The following ZCCHC7 variants were observed in gnomAD, a reference collection of about 807,000 sequenced individuals.
The protein encoded by ZCCHC7 is zinc finger CCHC-type containing 7, also known as zinc finger CCHC domain-containing protein 7.
Under a neutral mutation model 52.0 loss-of-function variants are expected in ZCCHC7, and 35 were observed. The ratio of observed to expected loss-of-function variants is 0.67; its 90% CI spans 0.51 to 0.89. ZCCHC7 has a LOEUF of 0.89. ZCCHC7 is among the 40% of genes least tolerant of loss of function. ZCCHC7 has a pLI of 0.00. For missense variants in ZCCHC7, 574 were observed against 649.1 expected (o/e 0.88, Z 1.26); for synonymous variants, 217 against 221.5 (o/e 0.98, Z 0.18).
At position 37,272,980 on chromosome 9, in the gene ZCCHC7, G is replaced by A. The variant is rs527677782; in HGVS notation, c.611-29208G>A. On this transcript the variant is annotated intron_variant, in intron 2 of 8. Transcript: ENST00000336755. ...AAACAAAGCTGCTAAGGATATTCTT[G>A]TGCATATCTCTTGGTGCATGTATAT... is the stretch of plus-strand genomic sequence containing the variant. Among the ~76,000 whole-genome samples, 42 of 152,314 alleles carry A rather than the reference G, an allele frequency of 2.8e-4. No individual in the cohort carries two copies. In the South Asian group the frequency reaches 8.7e-3, roughly 32 times the overall value.
At chr9:37,247,732 G>A (rs1402199650) in intron 2 of ZCCHC7, among the ~76,000 whole-genome samples, 1 of 151,886 alleles carries the variant, frequency 6.6e-6, no homozygotes, top group African/African-American at 2.4e-5. Context: ...AACACAGGGA[G>A]ACCCCATCTC....
At chr9:37,268,333 G>A (rs1167134624) in intron 2 of ZCCHC7, among the ~76,000 whole-genome samples, 2 of 151,424 alleles carry the variant, frequency 1.3e-5, no homozygotes, top group Non-Finnish European at 2.9e-5. Flanking sequence ...GACCTATCAG[G>A]TGTTTATTTG....
In ZCCHC7 at chr9:37,357,684, T is replaced by G. The variant is rs985070519; in HGVS notation, c.*416T>G. 9 of 152,726 alleles carry G rather than the reference T, an allele frequency of 5.9e-5. No homozygotes were observed. Among genetic ancestry groups the G allele is most frequent in the African/African-American group, 2.2e-4 (9 of 41,410 alleles). 9.5% of individuals were successfully genotyped at this position (152,726 alleles called of 1,614,324 possible). On this transcript the variant is annotated 3_prime_UTR_variant, in exon 9 of 9. Transcript: ENST00000336755. ...CAATATTTTTCAACTTTTTTTTTTTTTTTTTTTACTTTGGAAAGGACAATA... is the reference window on the plus strand; with the variant it reads ...CAATATTTTTCAACTTTTTTTTTTTGTTTTTTTACTTTGGAAAGGACAATA...
intron 2 of ZCCHC7, among the ~76,000 whole-genome samples, chr9:37,287,888 A>G (rs937597770): frequency 6.6e-6 from 1 of 151,836 alleles, no homozygotes; most frequent in Non-Finnish European, 1.5e-5. Flanking sequence ...ATCAGGACAT[A>G]TTATATGTAT....
chr9:37,327,762 T>C (rs746865974), intron 5 of ZCCHC7, 37 bp from the exon 6 acceptor site: 9 of 1,612,344 alleles, frequency 5.6e-6, no homozygotes, highest in Non-Finnish European at 7.6e-6. Context: ...AGTACCTTGT[T>C]TCATGCTCCC....
intron 7 of ZCCHC7, among the ~76,000 whole-genome samples, chr9:37,352,339 T>C (rs1336918328): frequency 6.6e-6 from 1 of 152,046 alleles, no homozygotes; most frequent in African/African-American, 2.4e-5. Context: ...CTTCCCTAAT[T>C]TCACTCACTC....
chr9:37,218,942 ATTTTTTTT>A (rs5897682), intron 2 of ZCCHC7, among the ~76,000 whole-genome samples: 11 of 106,402 alleles, frequency 1.0e-4, no homozygotes, highest in African/African-American at 3.7e-4. Context: ...CTAGAGCAAC[ATTTTTTTT>A]TTTTTTTTTT....
At chr9:37,257,447 A>T (rs1826645059) in intron 2 of ZCCHC7, among the ~76,000 whole-genome samples, 1 of 152,238 alleles carries the variant, frequency 6.6e-6, no homozygotes, top group African/African-American at 2.4e-5. Flanking sequence ...ATATCACAGC[A>T]GATTAAATAC....
chr9:37,226,200 C>T (rs1825089355), intron 2 of ZCCHC7, among the ~76,000 whole-genome samples: 1 of 151,888 alleles, frequency 6.6e-6, no homozygotes, highest in African/African-American at 2.4e-5. Flanking sequence ...TTCACAGTAT[C>T]AAAAAATGTG....
intron 2 of ZCCHC7, among the ~76,000 whole-genome samples, chr9:37,178,329 C>T (rs1042762363): frequency 1.3e-5 from 2 of 151,370 alleles, no homozygotes; most frequent in African/African-American, 4.9e-5. Flanking sequence ...TAAAACACAT[C>T]CCAGCGTCAC....
chr9:37,247,362 TAG>T (rs1435603811), intron 2 of ZCCHC7, among the ~76,000 whole-genome samples: 1 of 152,012 alleles, frequency 6.6e-6, no homozygotes, highest in Non-Finnish European at 1.5e-5. Flanking sequence ...GGGACCTGGG[TAG>T]AGAGAGAAAT....
chr9:37,133,702 C>T (rs1842885662), intron 2 of ZCCHC7, among the ~76,000 whole-genome samples: 1 of 152,186 alleles, frequency 6.6e-6, no homozygotes, highest in Non-Finnish European at 1.5e-5. Context: ...GATTCTTCCA[C>T]CTCAGCCTTC....
At chr9:37,152,080 A>G (rs1352598307) in intron 2 of ZCCHC7, among the ~76,000 whole-genome samples, 1 of 152,202 alleles carries the variant, frequency 6.6e-6, no homozygotes, top group Non-Finnish European at 1.5e-5. Context: ...CAGTAATGGT[A>G]GTATGTAGTA....
At chr9:37,242,281 T>C (rs1171965079) in intron 2 of ZCCHC7, among the ~76,000 whole-genome samples, 2 of 152,000 alleles carry the variant, frequency 1.3e-5, no homozygotes, top group East Asian at 3.9e-4. Context: ...TGCTTGGCTT[T>C]CTGCCAAATG....
intron 2 of ZCCHC7, among the ~76,000 whole-genome samples, chr9:37,152,960 T>C (rs1035140448): frequency 6.6e-6 from 1 of 152,196 alleles, no homozygotes; most frequent in Non-Finnish European, 1.5e-5. Flanking sequence ...TGCCCATTCA[T>C]TCATTCTTAT....
intron 2 of ZCCHC7, among the ~76,000 whole-genome samples, chr9:37,294,698 T>G (rs1249141983): frequency 6.6e-6 from 1 of 152,202 alleles, no homozygotes; most frequent in Admixed American, 6.5e-5. Flanking sequence ...CAGTTGTCCA[T>G]ATGAATGTTT....
chr9:37,344,734 G>A (rs924458333), intron 6 of ZCCHC7, among the ~76,000 whole-genome samples: 1 of 150,516 alleles, frequency 6.6e-6, no homozygotes, highest in Non-Finnish European at 1.5e-5. Flanking sequence ...GTATGTTTGT[G>A]TATTATTGGC....
chr9:37,186,621 A>C, intron 2 of ZCCHC7: 2 of 433,520 alleles, frequency 4.6e-6, no homozygotes, highest in Non-Finnish European at 8.8e-6. Context: ...AGAATGCATT[A>C]GTATTGCTGA....
At chr9:37,124,980 T>C (rs1842481019) in intron 1 of ZCCHC7, among the ~76,000 whole-genome samples, 1 of 152,154 alleles carries the variant, frequency 6.6e-6, no homozygotes, top group Non-Finnish European at 1.5e-5. Context: ...ACCTCCTGAG[T>C]AGCTGGGATT....
Sources: allele counts gnomAD v4.1 joint callset (sites outside exome capture counted in the v4.1 genomes callset), GRCh38; gene constraint gnomAD v4.1.1; transcripts MANE v1.5; gene names NCBI Gene and HGNC (gene_info 2026-07-23, HGNC 2026-07-21).